Variants in CLMP observed in about 807,000 individuals in gnomAD.
CLMP encodes CXADR like cell adhesion molecule.
In CLMP, 27 loss-of-function variants were observed where a neutral mutation model predicts 45.2. The ratio of observed to expected loss-of-function variants is 0.60; its 90% CI spans 0.44 to 0.82. CLMP has a LOEUF of 0.82. Ranked by LOEUF, CLMP falls within the 40% of genes least tolerant of loss-of-function variation. The probability of loss-of-function intolerance (pLI) is 0.00; values close to 1 mark genes in which losing one functional copy is unlikely to be tolerated. For missense variants in CLMP, 403 were observed against 448.4 expected, an observed-to-expected ratio of 0.90 and a Z score of 0.91; for synonymous variants, 167 against 171.4, an observed-to-expected ratio of 0.97 and a Z score of 0.20.
chr11:123,102,322 C>T (rs569055613), intron 1 of CLMP, among the ~76,000 whole-genome samples: 2 of 143,226 alleles, frequency 1.4e-5, no homozygotes, highest in African/African-American at 5.2e-5. Context: ...CTCTCTGTCG[C>T]CAGGCTGGAG....
chr11:123,094,078 C>G (rs1402792760), intron 2 of CLMP, among the ~76,000 whole-genome samples: 3 of 152,136 alleles, frequency 2.0e-5, no homozygotes, highest in Non-Finnish European at 4.4e-5. Context: ...GTTCTCAGAC[C>G]AGGCACTGAG....
At chr11:123,168,932 T>C (rs942334525) in intron 1 of CLMP, among the ~76,000 whole-genome samples, 3 of 152,176 alleles carry the variant, frequency 2.0e-5, no homozygotes, top group African/African-American at 7.2e-5. Flanking sequence ...ATCCAAGCAT[T>C]CACTCAGGAT....
At chr11:123,146,486 G>A (rs528617624) in intron 1 of CLMP, among the ~76,000 whole-genome samples, 14 of 152,096 alleles carry the variant, frequency 9.2e-5, no homozygotes, top group African/African-American at 2.4e-4. Context: ...TCTGCTCTTC[G>A]ATCACAGTCT....
At chr11:123,118,987 TTCTTTCTTTCTTTCTCTCTCTCTC>T (rs1860766041) in intron 1 of CLMP, among the ~76,000 whole-genome samples, 2 of 35,236 alleles carry the variant, frequency 5.7e-5, no homozygotes, top group Non-Finnish European at 1.0e-4. Flanking sequence ...CTTTCTTTCT[TTCTTTCTTTCTTTCTCTCTCTCTC>T]TCTCTCTCTC....
At chr11:123,132,340 C>A (rs1175160531) in intron 1 of CLMP, among the ~76,000 whole-genome samples, 1 of 152,174 alleles carries the variant, frequency 6.6e-6, no homozygotes, top group African/African-American at 2.4e-5. Flanking sequence ...ATTCGGAAGG[C>A]CCACATGGAG....
Position 123,111,392 on chromosome 11 carries a change from A to C in CLMP, c.29-13440T>G, listed in dbSNP as rs571542899. The stretch of plus-strand genomic sequence containing the variant: ...GTGATCGGCCCACCGCAGCCTCCCA[A>C]AGTGCTGGGATTACAGGTGTGAGCC... On this transcript the variant is annotated intron_variant, in intron 1 of 6. Transcript: ENST00000448775. Among the ~76,000 whole-genome samples, 3 of 152,244 alleles carry C rather than the reference A, an allele frequency of 2.0e-5. No individual in the cohort carries two copies. The South Asian group carries it at 6.2e-4, about 32-fold the overall frequency.
At chr11:123,091,342 C>T (rs1399607772) in intron 2 of CLMP, among the ~76,000 whole-genome samples, 1 of 152,160 alleles carries the variant, frequency 6.6e-6, no homozygotes, top group Non-Finnish European at 1.5e-5. Flanking sequence ...TGACCTTAAG[C>T]GACCTGCCCA....
At chr11:123,107,219 C>A (rs1322082963) in intron 1 of CLMP, among the ~76,000 whole-genome samples, 2 of 151,140 alleles carry the variant, frequency 1.3e-5, no homozygotes, top group East Asian at 4.0e-4. Flanking sequence ...CACCACCATG[C>A]CTGGCTAATG....
At chr11:123,091,093 C>A (rs111470156) in intron 2 of CLMP, among the ~76,000 whole-genome samples, 1 of 151,972 alleles carries the variant, frequency 6.6e-6, no homozygotes, top group East Asian at 1.9e-4. Flanking sequence ...CTCTCTCTCT[C>A]TCTTTCTTTG....
chr11:123,111,765 G>GA (rs1860642501), intron 1 of CLMP, among the ~76,000 whole-genome samples: 1 of 152,118 alleles, frequency 6.6e-6, no homozygotes, highest in African/African-American at 2.4e-5. Flanking sequence ...AAGGCCCATG[G>GA]AAAAAATGAA....
intron 1 of CLMP, among the ~76,000 whole-genome samples, chr11:123,188,153 G>A (rs926858437): frequency 3.3e-5 from 5 of 152,184 alleles, no homozygotes; most frequent in African/African-American, 9.7e-5. Context: ...CCTTTTGTAC[G>A]ATCGGGGTCT....
chr11:123,119,556 G>A (rs868403051), intron 1 of CLMP, among the ~76,000 whole-genome samples: 4 of 152,090 alleles, frequency 2.6e-5, no homozygotes, highest in South Asian at 2.1e-4. Flanking sequence ...AAGCTTTTTC[G>A]AATAACGTAA....
intron 1 of CLMP, among the ~76,000 whole-genome samples, chr11:123,171,579 G>A (rs11606550): frequency 0.068 from 10,279 of 151,886 alleles, 1,103 homozygotes; most frequent in African/African-American, 0.23. Flanking sequence ...GAGTAGCTGG[G>A]ATTAACAGGT....
intron 2 of CLMP, among the ~76,000 whole-genome samples, chr11:123,091,026 A>G (rs1865926437): frequency 6.6e-6 from 1 of 152,186 alleles, no homozygotes; most frequent in Admixed American, 6.6e-5. Flanking sequence ...CGAGGGTCCC[A>G]GTATCTTCAA....
In CLMP at chr11:123,084,521, T is replaced by G. The variant is rs1484371542; in HGVS notation, c.379A>C (p.Lys127Gln). Residue 127 changes from lysine to glutamine, a missense_variant, in exon 3 of 7, where the codon AAA becomes CAA. Lys to Gln is a moderately conservative substitution (Grantham distance 53). Coordinates refer to ENST00000448775, the MANE Select transcript of CLMP (RefSeq NM_024769.5). Reference sequence around the variant, plus strand: ...TGGCATCCTATCTTACCTAAGACTTTTAAGATGACATGGCTCCACACGTAG... The same window carrying G: ...TGGCATCCTATCTTACCTAAGACTTGTAAGATGACATGGCTCCACACGTAG... ...GRYVWSHVIL[K>Q]VLVRPSKPKC... The G allele has an allele frequency of 6.2e-7, 1 of 1,613,848 alleles. No individual in the cohort carries two copies. The highest frequency in any genetic ancestry group is 1.3e-5 in the African/African-American group (1 of 74,934).
chr11:123,125,504 C>CCT (rs1296544541), intron 1 of CLMP, among the ~76,000 whole-genome samples: 4 of 71,146 alleles, frequency 5.6e-5, no homozygotes, highest in Non-Finnish European at 1.1e-4. Context: ...TCCCTTCTTC[C>CCT]TCCCTTCCCT....
At chr11:123,113,527 G>A (rs1006729905) in intron 1 of CLMP, among the ~76,000 whole-genome samples, 4 of 152,186 alleles carry the variant, frequency 2.6e-5, no homozygotes, top group South Asian at 2.1e-4. Flanking sequence ...CCTGGCAGGC[G>A]ATGACCTTCC....
intron 2 of CLMP, among the ~76,000 whole-genome samples, chr11:123,086,791 G>A (rs1865869660): frequency 1.3e-5 from 2 of 152,144 alleles, no homozygotes; most frequent in South Asian, 4.1e-4. Context: ...AAGGCTGGTG[G>A]TTTGCTTGAG....
chr11:123,124,148 C>T (rs1198441601), intron 1 of CLMP, among the ~76,000 whole-genome samples: 2 of 152,102 alleles, frequency 1.3e-5, no homozygotes, highest in African/African-American at 2.4e-5. Flanking sequence ...TTTAGTTTAA[C>T]AACAAGTGTC....
Sources: gnomAD v4.1 joint callset for allele counts (sites outside exome capture counted in the v4.1 genomes callset) on GRCh38, gnomAD v4.1.1 for gene constraint, MANE v1.5 for transcripts, NCBI Gene and HGNC (gene_info 2026-07-23, HGNC 2026-07-21) for gene names.